Variants in KAT2A observed in about 807,000 individuals in gnomAD.
KAT2A encodes the protein histone acetyltransferase KAT2A.
Under a neutral mutation model 95.2 loss-of-function variants are expected in KAT2A, and 42 were observed. The ratio of observed to expected loss-of-function variants is 0.44; its 90% confidence interval spans 0.34 to 0.57. The LOEUF is 0.57. Among genes scored for constraint, KAT2A ranks in the 20% least tolerant of loss-of-function variants. The pLI, the probability that KAT2A is intolerant of heterozygous loss-of-function variation, is 0.01. For synonymous variants in KAT2A, 449 were observed against 448.2 expected, an observed-to-expected ratio of 1.00 and a Z score of -0.02; for missense variants, 784 against 1,126.3, an observed-to-expected ratio of 0.70 and a Z score of 4.35.
chr17:42,117,691 A>G lies in KAT2A; in HGVS notation c.1415T>C (p.Met472Thr). ...VMLTITDPAA[M>T]LGPETSLLSA... is the part of the protein sequence containing the mutation. Reference sequence around the variant, plus strand: ...CGGGCTGCCCACCTCAGGCCCCAGCATGGCAGCAGGGTCAGTGATGGTCAG... The same window carrying G: ...CGGGCTGCCCACCTCAGGCCCCAGCGTGGCAGCAGGGTCAGTGATGGTCAG... Residue 472 changes from methionine to threonine, a missense_variant, in exon 9 of 18, where the codon ATG becomes ACG. Around this residue, in one of 6 missense-constraint regions of KAT2A, gnomAD observed 174 missense variants for 324.9 expected, o/e 0.54. Transcript: ENST00000225916. The surrounding 1 kb of genome is among the most constrained non-coding windows in gnomAD (Gnocchi z 8.9). 1 of 1,611,020 alleles carries G rather than the reference A, an allele frequency of 6.2e-7. No individual in the cohort carries two copies. The highest frequency in any genetic ancestry group is 8.5e-7 in the Non-Finnish European group (1 of 1,178,066).
rs868974836 is a variant in KAT2A, at chr17:42,114,938, C to T, written c.1973G>A (p.Arg658His). 6 of 1,613,856 alleles carry T rather than the reference C, an allele frequency of 3.7e-6. No individual in the cohort carries two copies. The highest frequency in any genetic ancestry group is 2.2e-5 in the East Asian group (1 of 44,900). ...GTGGGACAGCTCCGTGTAGGGGATG[C>T]GGGGATTCAGCTCACACTCCATCAG... ...ATLMECELNP[R>H]IPYTELSHII... is the part of the protein sequence containing the mutation. Residue 658 changes from arginine to histidine, a missense_variant, in exon 13 of 18, where the codon CGC becomes CAC. Physicochemically the swap from Arg to His is conservative, Grantham distance 29. Around this residue, in one of 6 missense-constraint regions of KAT2A, gnomAD observed 195 missense variants for 247.1 expected, o/e 0.79. Transcript: ENST00000225916. The surrounding 1 kb of genome is among the most constrained non-coding windows in gnomAD (Gnocchi z 6.0).
chr17:42,120,029 C>T lies in KAT2A; in HGVS notation c.699+1G>A. 6.2e-7 allele frequency: 1 copy of T among 1,612,782 alleles called. No homozygotes were observed. The highest frequency in any genetic ancestry group is 1.3e-5 in the African/African-American group (1 of 75,036). On this transcript the variant is annotated splice_donor_variant, in intron 4 of 17. Coordinates refer to ENST00000225916, the MANE Select transcript of KAT2A (RefSeq NM_021078.3). LOFTEE classifies it high-confidence loss of function. ...CGCTATCTCCAATTCCCCTATCTCA[C>T]CTGCTCAATATTAGGTTTCTCAAAT... is the stretch of plus-strand genomic sequence containing the variant.
intron 2 of KAT2A, 118 bp from the exon 3 acceptor site, chr17:42,120,488 G>T: frequency 7.8e-7 from 1 of 1,276,682 alleles, no homozygotes. Context: ...GTGACCAACA[G>T]TGAGACTGAC....
chr17:42,119,928 C>T lies in KAT2A; in HGVS notation c.699+102G>A. The T allele has an allele frequency of 1.7e-6, 2 of 1,182,246 alleles. No homozygotes were observed. Among genetic ancestry groups the T allele is most frequent in the African/African-American group, 3.0e-5 (2 of 66,648 alleles). The allele number at this position is 1,182,246 out of a possible 1,614,324, so 73.2% of individuals were successfully genotyped here. On this transcript the variant is annotated intron_variant, in intron 4 of 17. Coordinates refer to ENST00000225916, the MANE Select transcript of KAT2A (RefSeq NM_021078.3). This position sits in a 1 kb window ranked among gnomAD's most constrained non-coding sequence, Gnocchi z 5.3. ...AAAACACCCTTCCTTCTCTGAACCT[C>T]CCCAGTGTTCTCAGCTTGAGGAGAA... is the stretch of plus-strand genomic sequence containing the variant.
chr17:42,114,404 G>C lies in KAT2A; in HGVS notation c.2135-10C>G, dbSNP rs782241709. The C allele has an allele frequency of 6.2e-7, 1 of 1,613,948 alleles. No individual in the cohort carries two copies. On this transcript the variant is annotated splice_polypyrimidine_tract_variant and intron_variant, in intron 14 of 17. Transcript: ENST00000225916. This position sits in a 1 kb window ranked among gnomAD's most constrained non-coding sequence, Gnocchi z 6.0. ...TTCCAGCCTGTCTCTCCTGCAAAGT[G>C]GGAAGTGGGAGAATGTCTCTAAGAA...
rs377052300 is a variant in KAT2A, at chr17:42,119,735, G to A, written c.700-17C>T. 111 of 1,585,012 alleles carry A rather than the reference G, an allele frequency of 7.0e-5. No individual in the cohort carries two copies. In the African/African-American group the frequency reaches 1.2e-3, roughly 18 times the overall value. ...CAGCACACCCTGAGAAGGGGTGGGTGGGGGATAAAACCAGGAATGAGGTGT... is the reference window on the plus strand; with the variant it reads ...CAGCACACCCTGAGAAGGGGTGGGTAGGGGATAAAACCAGGAATGAGGTGT... On this transcript the variant is annotated splice_polypyrimidine_tract_variant and intron_variant, in intron 4 of 17. Coordinates refer to ENST00000225916, the MANE Select transcript of KAT2A (RefSeq NM_021078.3). The surrounding 1 kb of genome is among the most constrained non-coding windows in gnomAD (Gnocchi z 5.3).
rs376516224 is a variant in KAT2A, at chr17:42,119,509, C to A, written c.881+28G>T. 263 of 1,581,050 alleles carry A rather than the reference C, an allele frequency of 1.7e-4. No homozygotes were observed. The African/African-American group carries it at 3.1e-3, about 18-fold the overall frequency. ...AACCCAGGCTGGGCCTGCAAGCCTC[C>A]CCCGAAGCTGCCCCTGGCTGGGCCT... is the stretch of plus-strand genomic sequence containing the variant. On this transcript the variant is annotated intron_variant, in intron 5 of 17. Coordinates refer to ENST00000225916, the MANE Select transcript of KAT2A (RefSeq NM_021078.3). This position sits in a 1 kb window ranked among gnomAD's most constrained non-coding sequence, Gnocchi z 5.3.
At chr17:42,113,938 G>A in intron 17 of KAT2A, 62 bp downstream of exon 17, 1 of 1,477,984 alleles carries the variant, frequency 6.8e-7, no homozygotes, top group Non-Finnish European at 9.0e-7. Context: ...AGGGCGCAGT[G>A]AGGGCAGGAG....
intron 1 of KAT2A, 65 bp from the exon 2 acceptor site, chr17:42,120,894 C>A (rs1555667163): frequency 1.3e-6 from 2 of 1,564,106 alleles, no homozygotes; most frequent in Admixed American, 1.9e-5. Context: ...GCAGCCAGAG[C>A]TTTGACCCCA....
In KAT2A at chr17:42,114,081, G is replaced by T; in HGVS notation, c.2239C>A (p.His747Asn). 1.9e-6 allele frequency: 3 copies of T among 1,543,092 alleles called. No homozygotes were observed. The South Asian group carries it at 3.6e-5, about 19-fold the overall frequency. ...TCCATGAAGGGCCAGGCACTGGGGT[G>T]AGACTGGAGAGAAGAGCCGGGCTGG... is the stretch of plus-strand genomic sequence containing the variant. ...LKNLLAQIKSHPSAWPFMEPV... is the reference protein window; with the variant it reads ...LKNLLAQIKSNPSAWPFMEPV... The change falls in exon 17 of 18, where the codon CAC (histidine) becomes AAC (asparagine). Residue 747 changes from histidine to asparagine, a missense_variant. Physicochemically the swap from His to Asn is moderately conservative, Grantham distance 68. Coordinates refer to ENST00000225916, the MANE Select transcript of KAT2A (RefSeq NM_021078.3). The surrounding 1 kb of genome is among the most constrained non-coding windows in gnomAD (Gnocchi z 6.0).
At position 42,117,689 on chromosome 17, in the gene KAT2A, G is replaced by A. The variant is rs782570466; in HGVS notation, c.1417C>T (p.Leu473=). ...MLTITDPAAM[L]GPETSLLSAN... Reference sequence around the variant, plus strand: ...GTCGGGCTGCCCACCTCAGGCCCCAGCATGGCAGCAGGGTCAGTGATGGTC... The same window carrying A: ...GTCGGGCTGCCCACCTCAGGCCCCAACATGGCAGCAGGGTCAGTGATGGTC... The change falls in exon 9 of 18, where the codon CTG becomes TTG. Residue 473 remains leucine, a synonymous_variant. Coordinates refer to ENST00000225916, the MANE Select transcript of KAT2A (RefSeq NM_021078.3). The surrounding 1 kb of genome is among the most constrained non-coding windows in gnomAD (Gnocchi z 8.9). 12 of 1,610,556 alleles carry A rather than the reference G, an allele frequency of 7.5e-6. No homozygotes were observed. The highest frequency in any genetic ancestry group is 1.0e-5 in the Non-Finnish European group (12 of 1,177,844).
chr17:42,114,307 A>C lies in KAT2A; in HGVS notation c.2172-25T>G, dbSNP rs781834357. 1.2e-6 allele frequency: 2 copies of C among 1,613,280 alleles called. No individual in the cohort carries two copies. The highest frequency in any genetic ancestry group is 2.2e-5 in the South Asian group (2 of 90,986). On this transcript the variant is annotated intron_variant, in intron 15 of 17. Coordinates refer to ENST00000225916, the MANE Select transcript of KAT2A (RefSeq NM_021078.3). The surrounding 1 kb of genome is among the most constrained non-coding windows in gnomAD (Gnocchi z 6.0). ...CCTGGGGCGAGAGACACCAAGTCTG[A>C]GGCTCCAAGTCCCTCTGCCCCACCC...
At chr17:42,113,973 G>A in intron 17 of KAT2A, 27 bp downstream of exon 17, 2 of 1,499,338 alleles carry the variant, frequency 1.3e-6, no homozygotes, top group Non-Finnish European at 1.8e-6. Flanking sequence ...GAAGAGGAGG[G>A]AAGGGGATGG....
rs2054206971 is a variant in KAT2A, at chr17:42,113,803, T to C, written c.2360A>G (p.Tyr787Cys). The C allele has an allele frequency of 1.9e-6, 3 of 1,602,022 alleles. No individual in the cohort carries two copies. The highest frequency in any genetic ancestry group is 1.8e-5 in the Admixed American group (1 of 56,232). ...TMTERLRSRY[Y>C]VTRKLFVADL... ...GGCCACAAAGAGCTTCCGGGTCACG[T>C]AGTAGCGGCTTCGCAGCCGCTCAGT... Residue 787 changes from tyrosine to cysteine, a missense_variant, in exon 18 of 18, where the codon TAC becomes TGC. Around this residue, in one of 6 missense-constraint regions of KAT2A, gnomAD observed 195 missense variants for 247.1 expected, o/e 0.79. Transcript: ENST00000225916.
chr17:42,114,494 G>A lies in KAT2A; in HGVS notation c.2130C>T (p.Gly710=). The A allele has an allele frequency of 6.2e-7, 1 of 1,613,942 alleles. No individual in the cohort carries two copies. Among genetic ancestry groups the A allele is most frequent in the Non-Finnish European group, 8.5e-7 (1 of 1,179,836 alleles). ...VRQIPVESVP[G]IRETGWKPLG... is the part of the protein sequence containing the mutation. ...GCAACTGAGACCCCTGCTTACGAATGCCAGGAACGCTCTCCACAGGGATCT... is the reference window on the plus strand; with the variant it reads ...GCAACTGAGACCCCTGCTTACGAATACCAGGAACGCTCTCCACAGGGATCT... The change falls in exon 14 of 18, where the codon GGC becomes GGT. Residue 710 remains glycine, a synonymous_variant. Transcript: ENST00000225916. The surrounding 1 kb of genome is among the most constrained non-coding windows in gnomAD (Gnocchi z 6.0).
At chr17:42,115,172 G>T in intron 12 of KAT2A, 137 bp from the exon 13 acceptor site, 1 of 907,272 alleles carries the variant, frequency 1.1e-6, no homozygotes, top group Non-Finnish European at 1.7e-6. Context: ...GGGGCACTGT[G>T]AGGGTTCAAA....
In KAT2A at chr17:42,121,317, A is replaced by G. The variant is rs2054337599; in HGVS notation, c.-13T>C. 2 of 1,365,224 alleles carry G rather than the reference A, an allele frequency of 1.5e-6. No homozygotes were observed. The highest frequency in any genetic ancestry group is 1.9e-6 in the Non-Finnish European group (2 of 1,066,684). The allele number at this position is 1,365,224 out of a possible 1,614,324, so 84.6% of individuals were successfully genotyped here. A position where few individuals can be genotyped will look rare whatever the true frequency, so the allele number is the denominator to read the frequency against. On this transcript the variant is annotated 5_prime_UTR_variant, in exon 1 of 18. Transcript: ENST00000225916. The stretch of plus-strand genomic sequence containing the variant: ...AAGGTTCCGCCATGGCCTCCCCCGC[A>G]GCGGAGAGCGGCGCCGCGCTCCCAG...
In KAT2A at chr17:42,114,998, T is replaced by G. The variant is rs1288816222; in HGVS notation, c.1913A>C (p.Tyr638Ser). 2 of 1,613,950 alleles carry G rather than the reference T, an allele frequency of 1.2e-6. No individual in the cohort carries two copies. The highest frequency in any genetic ancestry group is 3.3e-5 in the Admixed American group (2 of 60,008). The change falls in exon 13 of 18, where the codon TAC becomes TCC. Residue 638 changes from tyrosine (Y) to serine (S), a missense_variant. Tyr to Ser is a moderately radical substitution (Grantham distance 144). Around this residue, in one of 6 missense-constraint regions of KAT2A, gnomAD observed 174 missense variants for 324.9 expected, o/e 0.54. Coordinates refer to ENST00000225916, the MANE Select transcript of KAT2A (RefSeq NM_021078.3). This position sits in a 1 kb window ranked among gnomAD's most constrained non-coding sequence, Gnocchi z 6.0. The stretch of plus-strand genomic sequence containing the variant: ...CTCGTAGTCCTTGATGTAGCCCAGG[T>G]AGCGGCTCTTGGGCACCTTGATGTC... ...SKDIKVPKSR[Y>S]LGYIKDYEGA...
rs1555666143 is a variant in KAT2A at position 42,117,196 on chromosome 17, T to C, written c.1638-35A>G. On this transcript the variant is annotated intron_variant, in intron 10 of 17. Transcript: ENST00000225916. The surrounding 1 kb of genome is among the most constrained non-coding windows in gnomAD (Gnocchi z 8.9). ...AGGGGGGCATGTCATAGCCCCTGAC[T>C]GTCCCCTTCAGGTCCCCAGAGCCCT... The C allele has an allele frequency of 6.2e-7, 1 of 1,612,304 alleles. No individual in the cohort carries two copies. The highest frequency in any genetic ancestry group is 8.5e-7 in the Non-Finnish European group (1 of 1,179,338).
Sources: allele counts gnomAD v4.1 joint callset, GRCh38; gene constraint gnomAD v4.1.1; regional missense constraint gnomAD v4.1.1; non-coding constraint Gnocchi (gnomAD v3.1); transcripts MANE v1.5; gene names NCBI Gene and HGNC (gene_info 2026-07-23, HGNC 2026-07-21).